RPS6KC1: variants seen among roughly 807,000 people sequenced by gnomAD.
RPS6KC1 encodes the protein inactive ribosomal protein S6 kinase delta-1.
In RPS6KC1, 54 loss-of-function variants were observed where a neutral mutation model predicts 103.8. The observed-to-expected ratio is 0.52, with a 90% confidence interval of 0.42 to 0.65. The LOEUF (loss-of-function observed/expected upper bound fraction) is 0.65. RPS6KC1 is among the 30% of genes least tolerant of loss of function. The pLI is 0.00. For synonymous variants in RPS6KC1, 439 were observed against 438.7 expected, an observed-to-expected ratio of 1.00 and a Z score of -0.01; for missense variants, 1,151 against 1,253.8, an observed-to-expected ratio of 0.92 and a Z score of 1.24.
At chr1:213,854,140 G>A in the RPS6KC1 span, among the ~76,000 whole-genome samples, 32 of 152,132 alleles carry the variant, frequency 2.1e-4, no homozygotes, top group Admixed American at 3.3e-4. Flanking sequence ...ATAGGACCTC[G>A]GGGACAGCTC....
At chr1:213,761,490 A>G in the RPS6KC1 span, among the ~76,000 whole-genome samples, 3 of 152,348 alleles carry the variant, frequency 2.0e-5, no homozygotes, top group Non-Finnish European at 1.5e-5. Flanking sequence ...AATAATTTAA[A>G]TAGGACTTTG....
At chr1:213,425,249 C>T in the RPS6KC1 span, among the ~76,000 whole-genome samples, 1 of 152,128 alleles carries the variant, frequency 6.6e-6, no homozygotes, top group Admixed American at 6.5e-5. Flanking sequence ...TTATACTATC[C>T]TTGATTAGGC....
the RPS6KC1 span, among the ~76,000 whole-genome samples, chr1:213,287,562 A>G: frequency 6.6e-6 from 1 of 152,110 alleles, no homozygotes; most frequent in African/African-American, 2.4e-5. Context: ...GTTCAGTGTT[A>G]TCAAGGAAAG....
the RPS6KC1 span, among the ~76,000 whole-genome samples, chr1:213,856,607 A>G: frequency 1.3e-5 from 2 of 151,974 alleles, no homozygotes; most frequent in African/African-American, 2.4e-5. Context: ...TCTACATGCT[A>G]TAAACTACGT....
chr1:213,086,938 A>T (rs1330440758), intron 3 of RPS6KC1, among the ~76,000 whole-genome samples: 1 of 151,676 alleles, frequency 6.6e-6, no homozygotes, highest in Non-Finnish European at 1.5e-5. Context: ...TTCTCTTTGT[A>T]CTCTCCTCCC....
chr1:213,564,153 T>A, the RPS6KC1 span, among the ~76,000 whole-genome samples: 1 of 152,196 alleles, frequency 6.6e-6, no homozygotes, highest in Non-Finnish European at 1.5e-5. Context: ...GTATAAAGTA[T>A]AACAAAGAGA....
the RPS6KC1 span, among the ~76,000 whole-genome samples, chr1:213,493,134 G>C: frequency 1.7e-4 from 26 of 152,306 alleles, no homozygotes; most frequent in East Asian, 4.8e-3. Context: ...AGGAACATCT[G>C]ACTCCCTTTT....
At chr1:213,325,229 C>CAT in the RPS6KC1 span, among the ~76,000 whole-genome samples, 4 of 152,166 alleles carry the variant, frequency 2.6e-5, no homozygotes, top group African/African-American at 9.7e-5. Context: ...TGAGCATCTA[C>CAT]GGACCCTCAG....
At chr1:213,575,688 G>A in the RPS6KC1 span, among the ~76,000 whole-genome samples, 2 of 152,156 alleles carry the variant, frequency 1.3e-5, no homozygotes, top group African/African-American at 2.4e-5. Flanking sequence ...CCAGTCTCAG[G>A]TATGTATTTA....
At chr1:213,094,694 T>C (rs1175216335) in intron 3 of RPS6KC1, among the ~76,000 whole-genome samples, 1 of 152,222 alleles carries the variant, frequency 6.6e-6, no homozygotes, top group Admixed American at 6.5e-5. Context: ...AGAGTTGGCC[T>C]GGAATTCACA....
intron 14 of RPS6KC1, among the ~76,000 whole-genome samples, chr1:213,267,117 A>G (rs1426629254): frequency 1.3e-5 from 2 of 151,856 alleles, no homozygotes; most frequent in African/African-American, 4.8e-5. Context: ...CCCAGCAGAA[A>G]GTAAAAGCCA....
At chr1:213,765,866 C>T in the RPS6KC1 span, among the ~76,000 whole-genome samples, 1 of 152,132 alleles carries the variant, frequency 6.6e-6, no homozygotes, top group Non-Finnish European at 1.5e-5. Context: ...GGTTTTTATA[C>T]TTTACTGTAA....
the RPS6KC1 span, among the ~76,000 whole-genome samples, chr1:213,844,594 T>C: frequency 0.093 from 14,166 of 152,212 alleles, 2,263 homozygotes; most frequent in African/African-American, 0.32. Flanking sequence ...AGCCCTGATA[T>C]GGTCTTCCCA....
At chr1:213,648,080 G>A in the RPS6KC1 span, among the ~76,000 whole-genome samples, 37 of 152,214 alleles carry the variant, frequency 2.4e-4, 1 homozygote, top group African/African-American at 8.2e-4. Context: ...AGAATGTAGT[G>A]CCATTTATTA....
intron 5 of RPS6KC1, among the ~76,000 whole-genome samples, chr1:213,118,038 A>AAAAAAAAAAAAAAAAAAAAAAAC (rs1558354181): frequency 6.7e-6 from 1 of 149,158 alleles, no homozygotes; most frequent in African/African-American, 2.5e-5. Context: ...AAAAAAAAAA[A>AAAAAAAAAAAAAAAAAAAAAAAC]AGCCTTACTC....
intron 3 of RPS6KC1, among the ~76,000 whole-genome samples, chr1:213,088,736 C>G (rs1190832019): frequency 6.6e-6 from 1 of 152,028 alleles, no homozygotes; most frequent in African/African-American, 2.4e-5. Flanking sequence ...TTGATTGAAC[C>G]CTATATTGAT....
chr1:213,205,536 T>TATATATATATATATATATATATATA (rs1553378413), intron 8 of RPS6KC1: 4 of 82,316 alleles, frequency 4.9e-5, no homozygotes, highest in East Asian at 6.8e-4. Flanking sequence ...ACAAACTCAT[T>TATATATATATATATATATATATATA]TATATATATA....
the RPS6KC1 span, among the ~76,000 whole-genome samples, chr1:213,791,154 A>G: frequency 6.6e-6 from 1 of 152,086 alleles, no homozygotes; most frequent in Non-Finnish European, 1.5e-5. Flanking sequence ...CATGAAGTAG[A>G]TTTTCAGGAC....
chr1:213,862,735 A>G, the RPS6KC1 span, among the ~76,000 whole-genome samples: 12 of 152,332 alleles, frequency 7.9e-5, no homozygotes, highest in Admixed American at 6.5e-5. Flanking sequence ...AATTATCAAA[A>G]TTGTTTGAAA....
Sources: allele counts gnomAD v4.1 joint callset (sites outside exome capture counted in the v4.1 genomes callset), GRCh38; gene constraint gnomAD v4.1.1; transcripts MANE v1.5; gene names NCBI Gene and HGNC (gene_info 2026-07-23, HGNC 2026-07-21).